The following SPIDR variants were observed in gnomAD, a reference collection of about 807,000 sequenced individuals.
SPIDR encodes the protein DNA repair-scaffolding protein.
In SPIDR, 93 loss-of-function variants were observed where a neutral mutation model predicts 104.6. That is an observed-to-expected ratio of 0.89 (90% CI 0.75 to 1.06). SPIDR has a LOEUF of 1.06. SPIDR is among the 50% of genes least tolerant of loss of function. SPIDR has a pLI of 0.00. For missense variants in SPIDR, 1,154 were observed against 1,111.2 expected (o/e 1.04, Z -0.55); for synonymous variants, 431 against 416.9 (o/e 1.03, Z -0.41).
intron 8 of SPIDR, among the ~76,000 whole-genome samples, chr8:47,481,314 T>A (rs1300160958): frequency 6.6e-6 from 1 of 152,170 alleles, no homozygotes; most frequent in Non-Finnish European, 1.5e-5. Flanking sequence ...AGTGAAAAAC[T>A]GAGAGTTGTA....
chr8:47,607,553 A>G (rs1282176624), intron 10 of SPIDR, among the ~76,000 whole-genome samples: 2 of 150,392 alleles, frequency 1.3e-5, no homozygotes, highest in Non-Finnish European at 3.0e-5. Context: ...GTGGAAAAAG[A>G]CTCTTGCATC....
intron 2 of SPIDR, 82 bp from the exon 3 acceptor site, chr8:47,283,946 T>C (rs2038312085): frequency 1.6e-5 from 16 of 981,134 alleles, no homozygotes; most frequent in Non-Finnish European, 2.3e-5. Flanking sequence ...AAGGAGAGTG[T>C]AGTTTAAGAT....
At chr8:47,657,702 T>G (rs765447615) in intron 10 of SPIDR, among the ~76,000 whole-genome samples, 1 of 152,104 alleles carries the variant, frequency 6.6e-6, no homozygotes, top group Non-Finnish European at 1.5e-5. Context: ...GGACTGCATG[T>G]GACTCTACAA....
chr8:47,422,841 G>C lies in SPIDR; in HGVS notation c.877+14880G>C, dbSNP rs1279527326. Among the ~76,000 whole-genome samples the C allele has an allele frequency of 5.9e-5, 9 of 151,978 alleles. No homozygotes were observed. The South Asian group carries it at 6.2e-4, about 10-fold the overall frequency. ...GTATGTGGATGTCAGTTTTTCCTTT[G>C]TTCCCTCCTGAGTAGCTGACTTTGC... is the stretch of plus-strand genomic sequence containing the variant. On this transcript the variant is annotated intron_variant, in intron 7 of 19. Coordinates refer to ENST00000297423, the MANE Select transcript of SPIDR (RefSeq NM_001080394.4).
intron 4 of SPIDR, among the ~76,000 whole-genome samples, chr8:47,292,681 T>C (rs1483461408): frequency 6.6e-6 from 1 of 152,174 alleles, no homozygotes; most frequent in Admixed American, 6.5e-5. Flanking sequence ...TCTTCCTGCT[T>C]TTTAAAAGTT....
intron 10 of SPIDR, among the ~76,000 whole-genome samples, chr8:47,638,481 G>A (rs897465456): frequency 2.6e-5 from 4 of 152,102 alleles, no homozygotes; most frequent in African/African-American, 7.2e-5. Flanking sequence ...TACTAGCATT[G>A]GTAGTCATGG....
intron 16 of SPIDR, among the ~76,000 whole-genome samples, chr8:47,725,502 C>T (rs540756634): frequency 3.1e-4 from 47 of 152,328 alleles, no homozygotes; most frequent in South Asian, 1.7e-3. Context: ...AGCGATTCTC[C>T]TGCCTCAGCC....
chr8:47,503,861 CT>C (rs2080995746), intron 8 of SPIDR, among the ~76,000 whole-genome samples: 1 of 152,138 alleles, frequency 6.6e-6, no homozygotes, highest in Non-Finnish European at 1.5e-5. Flanking sequence ...ATTTGTTTGT[CT>C]GTAAAGGATT....
chr8:47,320,840 G>C (rs1223001620), intron 5 of SPIDR, among the ~76,000 whole-genome samples: 1 of 152,044 alleles, frequency 6.6e-6, no homozygotes, highest in Non-Finnish European at 1.5e-5. Context: ...GAACCAACGA[G>C]TAAAACCACA....
At position 47,735,301 on chromosome 8, in the gene SPIDR, C is replaced by G; in HGVS notation, c.2605-6C>G. On this transcript the variant is annotated splice_polypyrimidine_tract_variant and splice_region_variant and intron_variant, in intron 19 of 19. Transcript: ENST00000297423. ...GCTTTAACCAGCGTGCCTTTTATCA[C>G]TGCAGAGCTACGAAGTGAAGAGTGT... 1 of 1,613,992 alleles carries G rather than the reference C, an allele frequency of 6.2e-7. No homozygotes were observed. The highest frequency in any genetic ancestry group is 8.5e-7 in the Non-Finnish European group (1 of 1,179,978).
chr8:47,402,050 C>T (rs183207205), intron 6 of SPIDR, among the ~76,000 whole-genome samples: 1 of 152,202 alleles, frequency 6.6e-6, no homozygotes, highest in Non-Finnish European at 1.5e-5. Flanking sequence ...AGCACCACAT[C>T]GCACTTATTC....
At chr8:47,549,698 TCTC>T (rs2090126717) in intron 8 of SPIDR, among the ~76,000 whole-genome samples, 1 of 152,250 alleles carries the variant, frequency 6.6e-6, no homozygotes, top group East Asian at 1.9e-4. Context: ...GCAAAAATGT[TCTC>T]CTATTCTGTA....
intron 8 of SPIDR, among the ~76,000 whole-genome samples, chr8:47,545,614 T>C (rs2089217818): frequency 1.3e-5 from 2 of 152,196 alleles, no homozygotes; most frequent in Admixed American, 1.3e-4. Flanking sequence ...CTGATCTGTA[T>C]GCCCTTTCTT....
chr8:47,513,315 A>C (rs897907886), intron 8 of SPIDR, among the ~76,000 whole-genome samples: 1 of 152,244 alleles, frequency 6.6e-6, no homozygotes, highest in Non-Finnish European at 1.5e-5. Context: ...TAATAGAAAA[A>C]TAGACAGTAA....
At position 47,472,679 on chromosome 8, in the gene SPIDR, G is replaced by A. The variant is rs1433267001; in HGVS notation, c.1097+32137G>A. 2.0e-5 allele frequency among the ~76,000 whole-genome samples: 3 copies of A among 152,146 alleles called. No individual in the cohort carries two copies. The East Asian group carries it at 5.8e-4, about 29-fold the overall frequency. ...CAGTTTATTTACTTCAGAGAAGCTA[G>A]ACATCACTGACCTCAAAATAAGTAA... On this transcript the variant is annotated intron_variant, in intron 8 of 19. Transcript: ENST00000297423.
chr8:47,327,609 T>C (rs2047909990), intron 5 of SPIDR, among the ~76,000 whole-genome samples: 1 of 152,062 alleles, frequency 6.6e-6, no homozygotes, highest in Non-Finnish European at 1.5e-5. Flanking sequence ...GTTGCCCAGG[T>C]TGGAGTGGAG....
Position 47,437,328 on chromosome 8 carries a change from G to A in SPIDR, c.878-2995G>A, listed in dbSNP as rs149129844. Among the ~76,000 whole-genome samples, 468 of 147,798 alleles carry A rather than the reference G, an allele frequency of 3.2e-3. 1 individual carries two copies. Among genetic ancestry groups the A allele is most frequent in the African/African-American group, 0.011 (451 of 40,094 alleles). Reference sequence around the variant, plus strand: ...CTCATCGTTCAATTCCCACCTGTGAGTGAGAATATGTGGTGTTTGGTTTTT... The same window carrying A: ...CTCATCGTTCAATTCCCACCTGTGAATGAGAATATGTGGTGTTTGGTTTTT... On this transcript the variant is annotated intron_variant, in intron 7 of 19. Coordinates refer to ENST00000297423, the MANE Select transcript of SPIDR (RefSeq NM_001080394.4).
At chr8:47,723,565 G>C (rs940767156) in intron 16 of SPIDR, among the ~76,000 whole-genome samples, 1 of 151,786 alleles carries the variant, frequency 6.6e-6, no homozygotes, top group South Asian at 2.1e-4. Flanking sequence ...GAGTAGCTGG[G>C]ACTACAGGCA....
At chr8:47,631,965 G>T (rs966453467) in intron 10 of SPIDR, among the ~76,000 whole-genome samples, 5 of 152,098 alleles carry the variant, frequency 3.3e-5, no homozygotes, top group Non-Finnish European at 1.5e-5. Flanking sequence ...AGAACTGAAT[G>T]TACTGCCAGA....
Sources: allele counts gnomAD v4.1 joint callset (sites outside exome capture counted in the v4.1 genomes callset), GRCh38; gene constraint gnomAD v4.1.1; transcripts MANE v1.5; gene names NCBI Gene and HGNC (gene_info 2026-07-23, HGNC 2026-07-21).